Variants in ELOVL2 observed in about 807,000 individuals in gnomAD.
ELOVL2 encodes ELOVL fatty acid elongase 2.
In ELOVL2, 38 loss-of-function variants were observed where a neutral mutation model predicts 37.7. That is an observed-to-expected ratio of 1.01 (90% CI 0.78 to 1.32). The LOEUF is 1.32. Ranked by LOEUF, ELOVL2 falls within the 40% of genes most tolerant of loss-of-function variation. The pLI is 0.00. For synonymous variants in ELOVL2, 115 were observed against 122.3 expected, an observed-to-expected ratio of 0.94 and a Z score of 0.40; for missense variants, 352 against 363.6, an observed-to-expected ratio of 0.97 and a Z score of 0.26.
At position 11,004,610 on chromosome 6, in the gene ELOVL2, C is replaced by T. The variant is rs114884404; in HGVS notation, c.255+762G>A. Among the ~76,000 whole-genome samples, 1,517 of 152,114 alleles carry T rather than the reference C, an allele frequency of 1.0e-2. 18 individuals are homozygous for T. The highest frequency in any genetic ancestry group is 0.016 in the Non-Finnish European group (1,114 of 67,998). On this transcript the variant is annotated intron_variant, in intron 3 of 7. Transcript: ENST00000354666. ...AAGGGCCACTAGAGCTGAGCTAAAA[C>T]GTCAGTGTTCCAAAGACATACAGAG...
chr6:10,998,586 C>T (rs552693624), intron 4 of ELOVL2, among the ~76,000 whole-genome samples: 1 of 152,208 alleles, frequency 6.6e-6, no homozygotes, highest in South Asian at 2.1e-4. Flanking sequence ...TTTTGATGTT[C>T]AACCTGCTCC....
intron 1 of ELOVL2, among the ~76,000 whole-genome samples, chr6:11,037,374 G>T (rs1314682060): frequency 6.6e-6 from 1 of 152,100 alleles, no homozygotes; most frequent in Non-Finnish European, 1.5e-5. Flanking sequence ...TAAACTCCAA[G>T]ATCTCATTAA....
intron 1 of ELOVL2, among the ~76,000 whole-genome samples, chr6:11,011,139 C>T (rs559353669): frequency 1.2e-4 from 19 of 152,124 alleles, no homozygotes; most frequent in African/African-American, 4.6e-4. Flanking sequence ...CTGAGGCAGG[C>T]GGATCACGAG....
At chr6:11,040,342 G>A (rs893202320) in intron 1 of ELOVL2, among the ~76,000 whole-genome samples, 21 of 151,920 alleles carry the variant, frequency 1.4e-4, no homozygotes, top group African/African-American at 4.6e-4. Context: ...TGTCCAATAC[G>A]GTAGCCTCTA....
intron 1 of ELOVL2, among the ~76,000 whole-genome samples, chr6:11,020,707 C>G (rs1398217226): frequency 1.3e-5 from 2 of 152,224 alleles, no homozygotes; most frequent in African/African-American, 2.4e-5. Flanking sequence ...GTGCAGTAGT[C>G]TGTCCTAAGT....
At chr6:11,009,536 G>A (rs1373524700) in intron 2 of ELOVL2, among the ~76,000 whole-genome samples, 1 of 152,134 alleles carries the variant, frequency 6.6e-6, no homozygotes, top group East Asian at 1.9e-4. Flanking sequence ...AAAAGGCAAC[G>A]TTTAAGCTGA....
rs1581853389 is a variant in ELOVL2, at chr6:10,982,236, G to C, written c.*1545C>G. 5 of 152,004 alleles carry C rather than the reference G, an allele frequency of 3.3e-5. No homozygotes were observed. Among genetic ancestry groups the C allele is most frequent in the Admixed American group, 2.0e-4 (3 of 15,262 alleles). 9.4% of individuals were successfully genotyped at this position (152,004 alleles called of 1,614,324 possible). ...AAATCCTCAGAGGGGCAGTTTACAT[G>C]AAATAAAAGTACAATTTTTTTAACA... On this transcript the variant is annotated 3_prime_UTR_variant, in exon 8 of 8. Coordinates refer to ENST00000354666, the MANE Select transcript of ELOVL2 (RefSeq NM_017770.4).
intron 1 of ELOVL2, among the ~76,000 whole-genome samples, chr6:11,020,093 A>G (rs182914458): frequency 7.0e-4 from 106 of 152,354 alleles, no homozygotes; most frequent in Non-Finnish European, 1.5e-4. Context: ...TATTAATTGT[A>G]TAATTAAAAT....
At chr6:11,001,607 T>C (rs114766123) in intron 3 of ELOVL2, among the ~76,000 whole-genome samples, 12 of 152,348 alleles carry the variant, frequency 7.9e-5, no homozygotes, top group African/African-American at 2.9e-4. Flanking sequence ...AATACAGTTA[T>C]AGAGTAACTC....
chr6:11,010,099 C>A (rs1782548915), intron 2 of ELOVL2, among the ~76,000 whole-genome samples: 1 of 149,446 alleles, frequency 6.7e-6, no homozygotes, highest in East Asian at 2.0e-4. Flanking sequence ...TCTTGGCTCA[C>A]TGCAAACTCT....
intron 1 of ELOVL2, among the ~76,000 whole-genome samples, chr6:11,026,514 G>A (rs1262701099): frequency 1.3e-5 from 2 of 152,108 alleles, no homozygotes; most frequent in South Asian, 4.1e-4. Flanking sequence ...ACTGTTGCAC[G>A]TTAATCCTGG....
At chr6:11,038,839 T>C (rs1783057028) in intron 1 of ELOVL2, among the ~76,000 whole-genome samples, 1 of 152,196 alleles carries the variant, frequency 6.6e-6, no homozygotes, top group African/African-American at 2.4e-5. Flanking sequence ...ATTGTGATAA[T>C]TAAATAATTT....
chr6:10,993,857 A>ATTTT (rs530539525), intron 5 of ELOVL2, among the ~76,000 whole-genome samples: 2 of 79,098 alleles, frequency 2.5e-5, no homozygotes, highest in Non-Finnish European at 5.0e-5. Flanking sequence ...CGCCCAGCTA[A>ATTTT]TTTTTTTTTT....
intron 4 of ELOVL2, among the ~76,000 whole-genome samples, chr6:10,995,835 C>T (rs1439063457): frequency 6.6e-6 from 1 of 152,170 alleles, no homozygotes; most frequent in Admixed American, 6.5e-5. Context: ...TGCTCAGGGC[C>T]TAGAACTCAA....
intron 1 of ELOVL2, among the ~76,000 whole-genome samples, chr6:11,035,102 T>C (rs1258105247): frequency 6.6e-6 from 1 of 152,214 alleles, no homozygotes; most frequent in Non-Finnish European, 1.5e-5. Context: ...CATAAATTGC[T>C]CAGAGTATAG....
Position 10,982,086 on chromosome 6 carries a change from G to A in ELOVL2, c.*1695C>T, listed in dbSNP as rs1291559933. ...TTAGAAAGATAAATGTAAGAGTCAG[G>A]GGCATCACACAGGAGACATCTGTTC... On this transcript the variant is annotated 3_prime_UTR_variant, in exon 8 of 8. Transcript: ENST00000354666. 6.6e-6 allele frequency: 1 copy of A among 152,186 alleles called. No individual in the cohort carries two copies. Among genetic ancestry groups the A allele is most frequent in the Non-Finnish European group, 1.5e-5 (1 of 68,064 alleles). 9.4% of individuals were successfully genotyped at this position (152,186 alleles called of 1,614,324 possible).
chr6:10,992,814 A>AC (rs369604035), intron 5 of ELOVL2, among the ~76,000 whole-genome samples: 7 of 152,064 alleles, frequency 4.6e-5, no homozygotes, highest in African/African-American at 1.7e-4. Flanking sequence ...AAAAAACAAA[A>AC]AAAAACAGGA....
chr6:11,011,233 G>A (rs531860569), intron 1 of ELOVL2, among the ~76,000 whole-genome samples: 1 of 152,136 alleles, frequency 6.6e-6, no homozygotes, highest in South Asian at 2.1e-4. Context: ...AGGCATGGTG[G>A]CAGGCACCTG....
At chr6:10,999,310 A>G (rs1471028864) in intron 4 of ELOVL2, among the ~76,000 whole-genome samples, 1 of 152,008 alleles carries the variant, frequency 6.6e-6, no homozygotes, top group South Asian at 2.1e-4. Context: ...AATATAGCAC[A>G]AGGTACATTC....
Sources: allele counts gnomAD v4.1 joint callset (sites outside exome capture counted in the v4.1 genomes callset), GRCh38; gene constraint gnomAD v4.1.1; transcripts MANE v1.5; gene names NCBI Gene and HGNC (gene_info 2026-07-23, HGNC 2026-07-21).